RORA: variants seen among roughly 807,000 people sequenced by gnomAD.
The protein encoded by RORA is nuclear receptor ROR-alpha.
In RORA, 7 loss-of-function variants were observed where a neutral mutation model predicts 69.5. The ratio of observed to expected loss-of-function variants is 0.10; its 90% confidence interval spans 0.06 to 0.19. The LOEUF (loss-of-function observed/expected upper bound fraction) is 0.19, where lower values mean the gene tolerates loss of function less well. Among genes scored for constraint, RORA ranks in the 10% least tolerant of loss-of-function variants. RORA has a pLI of 1.00. For missense variants in RORA, 457 were observed against 663.0 expected, an observed-to-expected ratio of 0.69 and a Z score of 3.41; for synonymous variants, 261 against 240.8, an observed-to-expected ratio of 1.08 and a Z score of -0.78.
At chr15:60,606,016 C>T (rs2068937777) in intron 2 of RORA, among the ~76,000 whole-genome samples, 1 of 152,204 alleles carries the variant, frequency 6.6e-6, no homozygotes, top group Admixed American at 6.5e-5. Flanking sequence ...CATTATGACA[C>T]CACTTCTCCA....
At chr15:60,758,862 T>G (rs764629410) in intron 1 of RORA, among the ~76,000 whole-genome samples, 2 of 152,202 alleles carry the variant, frequency 1.3e-5, no homozygotes, top group Non-Finnish European at 2.9e-5. Context: ...CACCAGATCA[T>G]TTAATCTGAA....
chr15:60,531,973 T>C lies in RORA; in HGVS notation c.197-122A>G. On this transcript the variant is annotated intron_variant, in intron 2 of 10. Transcript: ENST00000335670. The surrounding 1 kb of genome is among the most constrained non-coding windows in gnomAD (Gnocchi z 4.8). The stretch of plus-strand genomic sequence containing the variant: ...CTGCTAAACATTATACTGCATTAAC[T>C]ATTCATTGCTGAACTGTGAGGGTCC... 1 of 581,356 alleles carries C rather than the reference T, an allele frequency of 1.7e-6. No individual in the cohort carries two copies. Among genetic ancestry groups the C allele is most frequent in the East Asian group, 3.3e-5 (1 of 30,498 alleles). 36.0% of individuals were successfully genotyped at this position (581,356 alleles called of 1,614,324 possible). A position where few individuals can be genotyped will look rare whatever the true frequency, so the allele number is the denominator to read the frequency against.
chr15:60,563,897 A>G (rs796297626), intron 2 of RORA, among the ~76,000 whole-genome samples: 17 of 152,320 alleles, frequency 1.1e-4, no homozygotes, highest in African/African-American at 3.8e-4. Flanking sequence ...TTTCCAGCAG[A>G]CATGGCATTC....
chr15:61,020,815 G>A (rs141410283), intron 1 of RORA, among the ~76,000 whole-genome samples: 5 of 152,244 alleles, frequency 3.3e-5, no homozygotes, highest in Admixed American at 3.3e-4. Flanking sequence ...ATTTCCTGAG[G>A]ACATTTTAGG....
At chr15:61,086,699 T>TC (rs1230195868) in intron 1 of RORA, among the ~76,000 whole-genome samples, 1 of 152,114 alleles carries the variant, frequency 6.6e-6, no homozygotes, top group Non-Finnish European at 1.5e-5. Flanking sequence ...TTTTTTTTTT[T>TC]CTCTAAATTT....
At chr15:60,953,834 A>G (rs1282038153) in intron 1 of RORA, among the ~76,000 whole-genome samples, 1 of 150,316 alleles carries the variant, frequency 6.7e-6, no homozygotes, top group Non-Finnish European at 1.5e-5. Context: ...ACACTTTTAC[A>G]CTGTTGGTGG....
At chr15:61,042,712 T>C (rs1344341836) in intron 1 of RORA, among the ~76,000 whole-genome samples, 1 of 152,224 alleles carries the variant, frequency 6.6e-6, no homozygotes, top group Non-Finnish European at 1.5e-5. Context: ...CCTTCCTACC[T>C]ACTCGGGACC....
intron 1 of RORA, among the ~76,000 whole-genome samples, chr15:60,786,814 C>T (rs927799593): frequency 6.6e-6 from 1 of 152,254 alleles, no homozygotes; most frequent in Admixed American, 6.5e-5. Context: ...ACTGGATCCA[C>T]ACCTCACTCA....
chr15:60,993,356 C>G (rs1407328690), intron 1 of RORA, among the ~76,000 whole-genome samples: 3 of 152,024 alleles, frequency 2.0e-5, no homozygotes. Context: ...GACCTGGGAT[C>G]GGCTGGGCAC....
At chr15:61,218,671 AACTCAC>A (rs886915629) in intron 1 of RORA, among the ~76,000 whole-genome samples, 10 of 35,258 alleles carry the variant, frequency 2.8e-4, no homozygotes, top group African/African-American at 8.6e-4. Context: ...TTACTAATAT[AACTCAC>A]ACACACACAC....
At chr15:60,774,194 G>A (rs1027905827) in intron 1 of RORA, among the ~76,000 whole-genome samples, 8 of 152,204 alleles carry the variant, frequency 5.3e-5, no homozygotes, top group Non-Finnish European at 5.9e-5. Context: ...TTCTACCTCA[G>A]GGAACCTGAT....
intron 1 of RORA, among the ~76,000 whole-genome samples, chr15:60,843,525 C>G (rs2073227171): frequency 6.6e-6 from 1 of 152,196 alleles, no homozygotes; most frequent in South Asian, 2.1e-4. Context: ...ACCAACTGTT[C>G]TTGTTACACG....
chr15:61,035,888 T>C, intron 1 of RORA, among the ~76,000 whole-genome samples: 1 of 152,014 alleles, frequency 6.6e-6, no homozygotes, highest in East Asian at 1.9e-4. Context: ...ACAAATGATC[T>C]AATGGTGGGA....
intron 1 of RORA, among the ~76,000 whole-genome samples, chr15:61,006,603 T>C (rs1196800944): frequency 6.6e-6 from 1 of 152,194 alleles, no homozygotes; most frequent in African/African-American, 2.4e-5. Flanking sequence ...ACACAATCCA[T>C]GCTGTTGCTC....
At chr15:60,562,534 C>T (rs1238667735) in intron 2 of RORA, among the ~76,000 whole-genome samples, 3 of 151,870 alleles carry the variant, frequency 2.0e-5, no homozygotes, top group African/African-American at 7.3e-5. Flanking sequence ...CTCCCGGGTT[C>T]AGGCGATTCT....
chr15:61,214,736 G>A (rs868801262), intron 1 of RORA, among the ~76,000 whole-genome samples: 68 of 152,196 alleles, frequency 4.5e-4, no homozygotes, highest in African/African-American at 1.6e-3. Context: ...GGACCTCCCT[G>A]CCCATACCAC....
intron 1 of RORA, among the ~76,000 whole-genome samples, chr15:60,815,997 C>T (rs1451102279): frequency 8.7e-6 from 1 of 114,474 alleles, no homozygotes; most frequent in Non-Finnish European, 1.8e-5. Context: ...TATATATATA[C>T]TATAAACAGT....
Position 61,200,343 on chromosome 15 carries a change from C to G in RORA, c.166+28710G>C, listed in dbSNP as rs145552532. Among the ~76,000 whole-genome samples the G allele has an allele frequency of 3.9e-3, 593 of 152,240 alleles. 2 individuals are homozygous for G. Among genetic ancestry groups the G allele is most frequent in the Non-Finnish European group, 6.8e-3 (465 of 68,006 alleles). ...GCCTTTCAGGGTGTTGAGAGGCCAT[C>G]CAGGGCAGGCAAAGGCATGCAGAGT... is the stretch of plus-strand genomic sequence containing the variant. On this transcript the variant is annotated intron_variant, in intron 1 of 10. Coordinates refer to ENST00000335670, the MANE Select transcript of RORA (RefSeq NM_134261.3).
At chr15:60,673,100 G>C in intron 2 of RORA, among the ~76,000 whole-genome samples, 1 of 152,166 alleles carries the variant, frequency 6.6e-6, no homozygotes, top group East Asian at 1.9e-4. Context: ...CCTTTGGAAC[G>C]TATGTTATGA....
Sources: allele counts gnomAD v4.1 joint callset (sites outside exome capture counted in the v4.1 genomes callset), GRCh38; gene constraint gnomAD v4.1.1; non-coding constraint Gnocchi (gnomAD v3.1); transcripts MANE v1.5; gene names NCBI Gene and HGNC (gene_info 2026-07-23, HGNC 2026-07-21).